Variants in KIF26B observed in about 807,000 individuals in gnomAD.
The protein encoded by KIF26B is kinesin-like protein KIF26B.
KIF26B carries 63 observed loss-of-function variants against 151.2 expected under a neutral mutation model. That is an observed-to-expected ratio of 0.42 (90% confidence interval 0.34 to 0.51). The LOEUF is 0.51. KIF26B is among the 20% of genes least tolerant of loss of function. The probability of loss-of-function intolerance (pLI) is 0.07; values close to 1 mark genes in which losing one functional copy is unlikely to be tolerated. For missense variants in KIF26B, 2,813 were observed against 2,913.6 expected (o/e 0.97, Z 0.79); for synonymous variants, 1,357 against 1,262.1 (o/e 1.08, Z -1.59).
Position 245,691,192 on chromosome 1 carries a change from G to A in KIF26B, c.5824+2385G>A, listed in dbSNP as rs148098247. Among the ~76,000 whole-genome samples, 11 of 152,298 alleles carry A rather than the reference G, an allele frequency of 7.2e-5. No individual in the cohort carries two copies. In the East Asian group the frequency reaches 2.1e-3, roughly 29 times the overall value. ...AAGACTTTTATTGTTTGGTTTGGCG[G>A]TTACAGTGGAGTAAAGAGGAAGAAC... On this transcript the variant is annotated intron_variant, in intron 12 of 14. Coordinates refer to ENST00000407071, the MANE Select transcript of KIF26B (RefSeq NM_018012.4).
At chr1:245,264,004 T>C (rs987997992) in intron 2 of KIF26B, among the ~76,000 whole-genome samples, 2 of 152,214 alleles carry the variant, frequency 1.3e-5, no homozygotes, top group Admixed American at 1.3e-4. Context: ...TTCTAAGTTA[T>C]TATGCCACTG....
intron 9 of KIF26B, among the ~76,000 whole-genome samples, chr1:245,633,734 C>T (rs569674584): frequency 2.0e-5 from 3 of 152,166 alleles, no homozygotes; most frequent in African/African-American, 7.2e-5. Flanking sequence ...TTAAGGATAG[C>T]TTTCAGCAAT....
intron 2 of KIF26B, chr1:245,206,681 G>T (rs1375029150): frequency 6.6e-6 from 1 of 152,180 alleles, no homozygotes; most frequent in Non-Finnish European, 1.5e-5. Context: ...GCTGTTTACT[G>T]CAGCCATGCA....
intron 6 of KIF26B, among the ~76,000 whole-genome samples, chr1:245,605,242 A>G (rs929612136): frequency 1.3e-5 from 2 of 151,938 alleles, no homozygotes; most frequent in African/African-American, 2.4e-5. Flanking sequence ...GTGCTCAACA[A>G]ATGCGGCTAT....
chr1:245,681,823 T>G (rs973131413), intron 10 of KIF26B, among the ~76,000 whole-genome samples: 2 of 152,270 alleles, frequency 1.3e-5, no homozygotes, highest in African/African-American at 4.8e-5. Context: ...CAAATATAAT[T>G]CATTATTTTG....
intron 3 of KIF26B, among the ~76,000 whole-genome samples, chr1:245,382,832 T>G (rs1242889883): frequency 6.6e-6 from 1 of 151,924 alleles, no homozygotes; most frequent in Non-Finnish European, 1.5e-5. Context: ...CCTCCCAAAG[T>G]GCTGGGATTA....
rs2044531564 is a variant in KIF26B, at chr1:245,686,810, C to G, written c.3827C>G (p.Ser1276Cys). ...EKAQDAGSRRSSISSWLSEMS... is the reference protein window; with the variant it reads ...EKAQDAGSRRCSISSWLSEMS... ...GCCCAGGACGCAGGGAGCAGACGCTCTTCCATCAGCTCCTGGCTGAGCGAG... is the reference window on the plus strand; with the variant it reads ...GCCCAGGACGCAGGGAGCAGACGCTGTTCCATCAGCTCCTGGCTGAGCGAG... Residue 1276 changes from serine to cysteine, a missense_variant, in exon 12 of 15, where the codon TCT becomes TGT. By Grantham distance (112) the Ser-to-Cys change is moderately radical. Coordinates refer to ENST00000407071, the MANE Select transcript of KIF26B (RefSeq NM_018012.4). The surrounding 1 kb of genome is among the most constrained non-coding windows in gnomAD (Gnocchi z 5.6). 1.9e-6 allele frequency: 3 copies of G among 1,613,472 alleles called. No individual in the cohort carries two copies. The African/African-American group carries it at 4.0e-5, about 22-fold the overall frequency.
At chr1:245,296,236 G>A (rs999067541) in intron 2 of KIF26B, among the ~76,000 whole-genome samples, 2 of 151,596 alleles carry the variant, frequency 1.3e-5, no homozygotes, top group African/African-American at 2.4e-5. Flanking sequence ...ACAGGGGTGC[G>A]CAGTGTTACA....
At chr1:245,576,635 C>A (rs2043121393) in intron 5 of KIF26B, among the ~76,000 whole-genome samples, 1 of 152,194 alleles carries the variant, frequency 6.6e-6, no homozygotes, top group Non-Finnish European at 1.5e-5. Flanking sequence ...GCCTTTTCTG[C>A]TTCATGACAT....
intron 2 of KIF26B, among the ~76,000 whole-genome samples, chr1:245,173,175 G>A (rs12058234): frequency 6.6e-6 from 1 of 152,192 alleles, no homozygotes; most frequent in Admixed American, 6.5e-5. Flanking sequence ...TGATTCTGGT[G>A]ATATGAGATA....
At chr1:245,640,823 G>C (rs943768060) in intron 9 of KIF26B, among the ~76,000 whole-genome samples, 5 of 152,070 alleles carry the variant, frequency 3.3e-5, no homozygotes, top group Admixed American at 1.3e-4. Context: ...ATTCCCTTCT[G>C]TTCCTACATT....
rs566671506 is a variant in KIF26B, at chr1:245,302,416, A to C, written c.466-64418A>C. On this transcript the variant is annotated intron_variant, in intron 2 of 14. Coordinates refer to ENST00000407071, the MANE Select transcript of KIF26B (RefSeq NM_018012.4). ...AGTTGTGCCGTGCACATACATGTCC[A>C]AATGCATTGAGTCATGTGATAGCAT... Among the ~76,000 whole-genome samples, 12 of 152,350 alleles carry C rather than the reference A, an allele frequency of 7.9e-5. No individual in the cohort carries two copies. The East Asian group carries it at 2.3e-3, about 29-fold the overall frequency.
intron 3 of KIF26B, among the ~76,000 whole-genome samples, chr1:245,379,736 C>T (rs925213340): frequency 6.6e-5 from 10 of 151,662 alleles, no homozygotes; most frequent in South Asian, 4.2e-4. Flanking sequence ...TTTGGGAGGC[C>T]GAGACAGGTG....
In KIF26B at chr1:245,687,051, C is replaced by A. The variant is rs768405926; in HGVS notation, c.4068C>A (p.Pro1356=). 25 of 1,613,282 alleles carry A rather than the reference C, an allele frequency of 1.5e-5. No homozygotes were observed. The highest frequency in any genetic ancestry group is 4.0e-5 in the African/African-American group (3 of 74,912). ...MGDDSFNKAA[P]IKGCKISTVS... is the part of the protein sequence containing the mutation. ...ATGACTCTTTCAACAAAGCAGCCCC[C>A]ATCAAAGGCTGCAAAATATCCACAG... The change falls in exon 12 of 15, where the codon CCC becomes CCA. Residue 1356 remains proline, a synonymous_variant. Transcript: ENST00000407071. The surrounding 1 kb of genome is among the most constrained non-coding windows in gnomAD (Gnocchi z 4.9).
chr1:245,200,927 G>C (rs1669289127), intron 2 of KIF26B, among the ~76,000 whole-genome samples: 1 of 152,206 alleles, frequency 6.6e-6, no homozygotes, highest in African/African-American at 2.4e-5. Flanking sequence ...GACCCCTGTT[G>C]ATGCCTCTTT....
chr1:245,706,744 T>C lies in KIF26B; in HGVS notation c.*4138T>C, dbSNP rs2044846056. 1 of 152,236 alleles carries C rather than the reference T, an allele frequency of 6.6e-6. No individual in the cohort carries two copies. Among genetic ancestry groups the C allele is most frequent in the East Asian group, 1.9e-4 (1 of 5,194 alleles). 9.4% of individuals were successfully genotyped at this position (152,236 alleles called of 1,614,324 possible). A position where few individuals can be genotyped will look rare whatever the true frequency, so the allele number is the denominator to read the frequency against. On this transcript the variant is annotated 3_prime_UTR_variant, in exon 15 of 15. Transcript: ENST00000407071. ...GCCTCCATGCTGCCGCCGGGGTATG[T>C]GGCCCAGCTGTCCCCCCATGAAGGA...
At chr1:245,200,413 A>G (rs1209206350) in intron 2 of KIF26B, among the ~76,000 whole-genome samples, 1 of 152,210 alleles carries the variant, frequency 6.6e-6, no homozygotes, top group Non-Finnish European at 1.5e-5. Context: ...TGTGGCTAAA[A>G]TCCTAAATAT....
At chr1:245,273,404 C>T (rs998544049) in intron 2 of KIF26B, among the ~76,000 whole-genome samples, 13 of 138,496 alleles carry the variant, frequency 9.4e-5, no homozygotes, top group Middle Eastern at 4.0e-3. Flanking sequence ...GGGAACAGAG[C>T]GAGACTTATC....
chr1:245,179,190 C>T (rs1043167175), intron 2 of KIF26B, among the ~76,000 whole-genome samples: 21 of 152,160 alleles, frequency 1.4e-4, no homozygotes, highest in Non-Finnish European at 1.9e-4. Context: ...AATAAAATAG[C>T]GTTTGAAATT....
Sources: gnomAD v4.1 joint callset for allele counts (sites outside exome capture counted in the v4.1 genomes callset) on GRCh38, gnomAD v4.1.1 for gene constraint, Gnocchi (gnomAD v3.1) non-coding constraint, MANE v1.5 for transcripts, NCBI Gene and HGNC (gene_info 2026-07-23, HGNC 2026-07-21) for gene names.